Variants in UBAC2 observed in about 807,000 individuals in gnomAD.
UBAC2 encodes the protein ubiquitin-associated domain-containing protein 2.
UBAC2 carries 26 observed loss-of-function variants against 44.0 expected under a neutral mutation model. That is an observed-to-expected ratio of 0.59 (90% CI 0.43 to 0.82). The LOEUF is 0.82. Ranked by LOEUF, UBAC2 falls within the 40% of genes least tolerant of loss-of-function variation. The probability of loss-of-function intolerance (pLI) is 0.00; values close to 1 mark genes in which losing one functional copy is unlikely to be tolerated. For synonymous variants in UBAC2, 155 were observed against 154.3 expected (o/e 1.00, Z -0.04); for missense variants, 329 against 419.4 (o/e 0.78, Z 1.88).
At chr13:99,237,281 C>T (rs1353443496) in intron 1 of UBAC2, among the ~76,000 whole-genome samples, 211 of 151,748 alleles carry the variant, frequency 1.4e-3, no homozygotes, top group African/African-American at 4.6e-3. Flanking sequence ...TACACACACA[C>T]ACACACACAC....
At chr13:99,250,210 T>A (rs1172881196) in intron 4 of UBAC2, among the ~76,000 whole-genome samples, 1 of 152,236 alleles carries the variant, frequency 6.6e-6, no homozygotes, top group Non-Finnish European at 1.5e-5. Context: ...CATTTATATC[T>A]TTAATCCATC....
intron 7 of UBAC2, among the ~76,000 whole-genome samples, chr13:99,349,572 A>T (rs2045046955): frequency 6.6e-6 from 1 of 152,198 alleles, no homozygotes; most frequent in African/African-American, 2.4e-5. Flanking sequence ...AGTGATTGAC[A>T]AGGTGAAGCA....
At chr13:99,263,753 C>T (rs889094315) in intron 4 of UBAC2, among the ~76,000 whole-genome samples, 1 of 152,128 alleles carries the variant, frequency 6.6e-6, no homozygotes, top group Non-Finnish European at 1.5e-5. Context: ...TCAACTATAG[C>T]ATGAATAAGT....
intron 1 of UBAC2, among the ~76,000 whole-genome samples, chr13:99,207,773 A>C (rs1274963680): frequency 6.6e-6 from 1 of 151,720 alleles, no homozygotes; most frequent in East Asian, 1.9e-4. Context: ...TGAGGCCTGC[A>C]CTCTCCACCT....
intron 2 of UBAC2, among the ~76,000 whole-genome samples, chr13:99,239,897 A>G (rs1397858222): frequency 6.6e-6 from 1 of 152,144 alleles, no homozygotes; most frequent in Non-Finnish European, 1.5e-5. Flanking sequence ...GGAAATAGGG[A>G]CCAGTATTGG....
Position 99,354,882 on chromosome 13 carries a change from C to T in UBAC2, c.808-12905C>T, listed in dbSNP as rs190116137. 3.6e-4 allele frequency among the ~76,000 whole-genome samples: 55 copies of T among 152,178 alleles called. 1 individual carries two copies. The highest frequency in any genetic ancestry group is 1.3e-3 in the African/African-American group (52 of 41,482). Reference sequence around the variant, plus strand: ...AATCTCGGAGTGCAACAGCAAGGACCTAAACGGGCAGATCCTCTCCCAGGG... The same window carrying T: ...AATCTCGGAGTGCAACAGCAAGGACTTAAACGGGCAGATCCTCTCCCAGGG... On this transcript the variant is annotated intron_variant, in intron 7 of 8. Coordinates refer to ENST00000403766, the MANE Select transcript of UBAC2 (RefSeq NM_001144072.2).
At chr13:99,247,836 C>A (rs753034175) in intron 4 of UBAC2, among the ~76,000 whole-genome samples, 1 of 151,700 alleles carries the variant, frequency 6.6e-6, no homozygotes, top group African/African-American at 2.4e-5. Context: ...TCTGCACTCT[C>A]TATAGTTCTT....
chr13:99,356,080 AAAG>A, intron 7 of UBAC2: 2 of 501,462 alleles, frequency 4.0e-6, no homozygotes, highest in Non-Finnish European at 8.6e-6. Flanking sequence ...AGGCCTCTGA[AAAG>A]AAATGTCATT....
At chr13:99,235,910 G>A (rs2043227482) in intron 1 of UBAC2, among the ~76,000 whole-genome samples, 1 of 152,162 alleles carries the variant, frequency 6.6e-6, no homozygotes, top group African/African-American at 2.4e-5. Context: ...CAAGGCTGCA[G>A]TGAGCTGTGA....
chr13:99,319,091 C>T (rs527994213), intron 6 of UBAC2, among the ~76,000 whole-genome samples: 1 of 152,198 alleles, frequency 6.6e-6, no homozygotes, highest in East Asian at 1.9e-4. Flanking sequence ...TGACCAAAGT[C>T]TCATCATGGA....
intron 7 of UBAC2, among the ~76,000 whole-genome samples, chr13:99,349,446 C>T (rs986754071): frequency 2.6e-5 from 4 of 152,140 alleles, no homozygotes; most frequent in Non-Finnish European, 5.9e-5. Context: ...AACAGCTGGG[C>T]CCGAGGGACC....
intron 1 of UBAC2, among the ~76,000 whole-genome samples, chr13:99,234,992 A>G (rs1312561726): frequency 6.6e-6 from 1 of 152,218 alleles, no homozygotes; most frequent in Non-Finnish European, 1.5e-5. Flanking sequence ...AAATACCCTC[A>G]GTAGTATAAT....
intron 7 of UBAC2, among the ~76,000 whole-genome samples, chr13:99,366,406 G>T (rs185975942): frequency 3.3e-5 from 5 of 152,304 alleles, no homozygotes; most frequent in Admixed American, 3.3e-4. Flanking sequence ...CAAGGCAAGA[G>T]AATATCTCTC....
intron 4 of UBAC2, among the ~76,000 whole-genome samples, chr13:99,269,359 G>T (rs1037631467): frequency 6.6e-6 from 1 of 152,190 alleles, no homozygotes; most frequent in Non-Finnish European, 1.5e-5. Context: ...TTCCCAGGAT[G>T]TTCTGTGCAG....
At chr13:99,271,436 TGGGGTGTG>T (rs928973983) in intron 4 of UBAC2, among the ~76,000 whole-genome samples, 107 of 151,922 alleles carry the variant, frequency 7.0e-4, no homozygotes, top group African/African-American at 2.5e-3. Context: ...GATGGGGGGA[TGGGGTGTG>T]GGAAGATAGC....
intron 4 of UBAC2, among the ~76,000 whole-genome samples, chr13:99,303,616 G>A (rs2044288148): frequency 1.3e-5 from 2 of 152,200 alleles, no homozygotes; most frequent in South Asian, 4.1e-4. Flanking sequence ...GATGCAGCAT[G>A]TGGGAAAACT....
intron 1 of UBAC2, among the ~76,000 whole-genome samples, chr13:99,237,528 CA>C (rs1321318460): frequency 3.3e-5 from 5 of 152,022 alleles, no homozygotes; most frequent in African/African-American, 9.7e-5. Flanking sequence ...TTAATGGGTA[CA>C]AATATACACT....
Position 99,319,198 on chromosome 13 carries a change from C to A in UBAC2, c.561+1129C>A, listed in dbSNP as rs116740777. Reference sequence around the variant, plus strand: ...TAATAATAAGCGTTTGTCCTAAATTCTCTGTGAGGTATTAAAAAAAATTAG... The same window carrying A: ...TAATAATAAGCGTTTGTCCTAAATTATCTGTGAGGTATTAAAAAAAATTAG... On this transcript the variant is annotated intron_variant, in intron 6 of 8. Coordinates refer to ENST00000403766, the MANE Select transcript of UBAC2 (RefSeq NM_001144072.2). 6.6e-3 allele frequency among the ~76,000 whole-genome samples: 1,001 copies of A among 152,150 alleles called. 7 individuals are homozygous for A. The highest frequency in any genetic ancestry group is 0.023 in the African/African-American group (972 of 41,478).
intron 6 of UBAC2, among the ~76,000 whole-genome samples, chr13:99,328,383 T>C (rs1001493757): frequency 1.3e-5 from 2 of 152,220 alleles, no homozygotes; most frequent in Non-Finnish European, 2.9e-5. Context: ...CTGGGTCATA[T>C]GGTAAGTGTA....
Sources: allele counts gnomAD v4.1 joint callset (sites outside exome capture counted in the v4.1 genomes callset), GRCh38; gene constraint gnomAD v4.1.1; transcripts MANE v1.5; gene names NCBI Gene and HGNC (gene_info 2026-07-23, HGNC 2026-07-21).